TSPAN11: variants seen among roughly 807,000 people sequenced by gnomAD.
The protein encoded by TSPAN11 is tetraspanin 11.
TSPAN11 carries 29 observed loss-of-function variants against 32.9 expected under a neutral mutation model. The observed-to-expected ratio is 0.88, with a 90% CI of 0.66 to 1.20. The LOEUF is 1.20. Among genes scored for constraint, TSPAN11 ranks in the 50% most tolerant of loss-of-function variants. The pLI is 0.00. For missense variants in TSPAN11, 283 were observed against 329.1 expected, an observed-to-expected ratio of 0.86 and a Z score of 1.08; for synonymous variants, 140 against 141.3, an observed-to-expected ratio of 0.99 and a Z score of 0.07.
the TSPAN11 span, among the ~76,000 whole-genome samples, chr12:31,004,713 G>T: frequency 6.6e-6 from 1 of 152,208 alleles, no homozygotes; most frequent in Non-Finnish European, 1.5e-5. Flanking sequence ...AGCCTGTCTC[G>T]AGAAGGCCCG....
intron 2 of TSPAN11, among the ~76,000 whole-genome samples, chr12:30,963,293 C>T (rs879581861): frequency 2.0e-5 from 3 of 152,180 alleles, no homozygotes; most frequent in African/African-American, 7.2e-5. Context: ...TTTACCTTTC[C>T]TCCGTGGGTC....
chr12:30,933,413 C>T (rs575093069), intron 1 of TSPAN11, among the ~76,000 whole-genome samples: 8 of 152,340 alleles, frequency 5.3e-5, no homozygotes, highest in African/African-American at 1.9e-4. Flanking sequence ...ATTAATCTTC[C>T]CTCCATGTAT....
chr12:30,982,721 G>T (rs1027513164), intron 6 of TSPAN11, 31 bp downstream of exon 6: 23 of 1,530,902 alleles, frequency 1.5e-5, no homozygotes, highest in Non-Finnish European at 2.0e-5. Flanking sequence ...TGGGGGTGAG[G>T]AGAGGGCCCT....
chr12:30,991,927 C>T lies in TSPAN11; in HGVS notation c.*12C>T, dbSNP rs1448424194. 1.2e-6 allele frequency: 2 copies of T among 1,614,044 alleles called. No individual in the cohort carries two copies. Among genetic ancestry groups the T allele is most frequent in the Non-Finnish European group, 1.7e-6 (2 of 1,180,014 alleles). On this transcript the variant is annotated 3_prime_UTR_variant, in exon 8 of 8. Coordinates refer to ENST00000546076, the MANE Select transcript of TSPAN11 (RefSeq NM_001370302.1). ...GGCATTTTTACTAATGGCCAACCAC[C>T]TCCTCTTCCAACTGCCCCTCAAGAC... is the stretch of plus-strand genomic sequence containing the variant.
At chr12:30,932,783 A>T (rs1402380363) in intron 1 of TSPAN11, among the ~76,000 whole-genome samples, 2 of 152,226 alleles carry the variant, frequency 1.3e-5, no homozygotes, top group Non-Finnish European at 1.5e-5. Flanking sequence ...GCTTACTGCT[A>T]CGCCATGGTA....
chr12:30,963,690 C>A, intron 2 of TSPAN11, 136 bp from the exon 3 acceptor site: 1 of 943,266 alleles, frequency 1.1e-6, no homozygotes, highest in Non-Finnish European at 1.5e-6. Context: ...AATTGGGTAA[C>A]CATACCATTC....
the TSPAN11 span, among the ~76,000 whole-genome samples, chr12:31,016,457 A>G: frequency 8.0e-5 from 12 of 150,912 alleles, no homozygotes; most frequent in African/African-American, 2.9e-4. Flanking sequence ...TGGTAGAAAG[A>G]AAAGAAAAGG....
chr12:30,956,833 A>G (rs1938487742), intron 2 of TSPAN11, among the ~76,000 whole-genome samples: 1 of 152,198 alleles, frequency 6.6e-6, no homozygotes, highest in Non-Finnish European at 1.5e-5. Context: ...CTAGCCCCCC[A>G]GGCACTCTGT....
chr12:30,939,924 T>C (rs1197501944), intron 1 of TSPAN11, among the ~76,000 whole-genome samples: 1 of 152,210 alleles, frequency 6.6e-6, no homozygotes. Flanking sequence ...TTTACTTTGA[T>C]GTACAATGGA....
chr12:30,949,660 G>C (rs1938342263), intron 1 of TSPAN11, among the ~76,000 whole-genome samples: 1 of 152,012 alleles, frequency 6.6e-6, no homozygotes, highest in South Asian at 2.1e-4. Flanking sequence ...GATTTGAGTG[G>C]GGACACAGCC....
intron 1 of TSPAN11, 27 bp downstream of exon 1, chr12:30,926,823 T>C (rs1283009173): frequency 8.8e-6 from 6 of 684,436 alleles, no homozygotes; most frequent in African/African-American, 4.0e-5. Context: ...GCCCGAGGAG[T>C]GGGGGCGCCG....
intron 3 of TSPAN11, among the ~76,000 whole-genome samples, chr12:30,964,396 TC>T (rs1938684743): frequency 6.6e-6 from 1 of 151,752 alleles, no homozygotes. Flanking sequence ...ATTCTCTTTT[TC>T]CTCCTACTTC....
At chr12:30,927,486 T>G (rs930875874) in intron 1 of TSPAN11, among the ~76,000 whole-genome samples, 1 of 152,034 alleles carries the variant, frequency 6.6e-6, no homozygotes, top group Non-Finnish European at 1.5e-5. Context: ...CAGTTGGGCT[T>G]GGCGGGACAG....
intron 1 of TSPAN11, among the ~76,000 whole-genome samples, chr12:30,951,932 C>T (rs1938390237): frequency 1.3e-5 from 2 of 152,212 alleles, no homozygotes; most frequent in Non-Finnish European, 2.9e-5. Flanking sequence ...ATTCCTCATT[C>T]TTTCTGCAGA....
chr12:30,949,878 TCTTCCCTGG>T (rs1938347158), intron 1 of TSPAN11, among the ~76,000 whole-genome samples: 1 of 152,168 alleles, frequency 6.6e-6, no homozygotes, highest in Admixed American at 6.5e-5. Context: ...GGCCACCCTG[TCTTCCCTGG>T]CTTCCAGGAC....
At chr12:31,015,177 T>C in the TSPAN11 span, among the ~76,000 whole-genome samples, 2 of 152,242 alleles carry the variant, frequency 1.3e-5, no homozygotes, top group Admixed American at 6.5e-5. The surrounding 1 kb of genome is among the most constrained non-coding windows in gnomAD (Gnocchi z 4.9). Flanking sequence ...ACTGTACATA[T>C]GTATTGTGTA....
At chr12:30,977,852 C>A (rs535378739) in intron 3 of TSPAN11, among the ~76,000 whole-genome samples, 4 of 152,282 alleles carry the variant, frequency 2.6e-5, no homozygotes, top group East Asian at 3.9e-4. Context: ...GTAATGAGAA[C>A]CCCTGCAGGG....
rs1414807354 is a variant in TSPAN11 at position 30,995,842 on chromosome 12, A to G, written c.*3927A>G. 6.6e-6 allele frequency: 1 copy of G among 152,180 alleles called. No homozygotes were observed. Among genetic ancestry groups the G allele is most frequent in the Non-Finnish European group, 1.5e-5 (1 of 68,078 alleles). 9.4% of individuals were successfully genotyped at this position (152,180 alleles called of 1,614,324 possible). ...TTCTCATCAGGAGTGGGCAAGACCA[A>G]TCATTTGCATTTCTGACAAGTTCCC... is the stretch of plus-strand genomic sequence containing the variant. On this transcript the variant is annotated 3_prime_UTR_variant, in exon 8 of 8. Transcript: ENST00000546076.
At chr12:31,013,755 G>A in the TSPAN11 span, among the ~76,000 whole-genome samples, 2 of 152,150 alleles carry the variant, frequency 1.3e-5, no homozygotes, top group East Asian at 3.9e-4. Context: ...AGAGAGGCCA[G>A]TTTGTGAAAA....
Sources: gnomAD v4.1 joint callset for allele counts (sites outside exome capture counted in the v4.1 genomes callset) on GRCh38, gnomAD v4.1.1 for gene constraint, Gnocchi (gnomAD v3.1) non-coding constraint, MANE v1.5 for transcripts, NCBI Gene and HGNC (gene_info 2026-07-23, HGNC 2026-07-21) for gene names.